CTCF: variants seen among roughly 807,000 people sequenced by gnomAD.
CTCF encodes CCCTC-binding factor, also known as transcriptional repressor CTCF.
In CTCF, 7 loss-of-function variants were observed where a neutral mutation model predicts 72.3. That is an observed-to-expected ratio of 0.10 (90% CI 0.06 to 0.18). The LOEUF (loss-of-function observed/expected upper bound fraction) is 0.18, where lower values mean the gene tolerates loss of function less well. CTCF is among the 10% of genes least tolerant of loss of function. The pLI is 1.00. For missense variants in CTCF, 516 were observed against 949.1 expected (o/e 0.54, Z 6.00); for synonymous variants, 374 against 315.8 (o/e 1.18, Z -1.95).
At chr16:67,629,748 T>TA (rs1229903308) in intron 10 of CTCF, among the ~76,000 whole-genome samples, 2 of 7,140 alleles carry the variant, frequency 2.8e-4, no homozygotes, top group Non-Finnish European at 6.8e-4. Flanking sequence ...TTAATGCCCT[T>TA]TTTTTTTTTT....
chr16:67,629,132 C>G (rs1051161379), intron 9 of CTCF, among the ~76,000 whole-genome samples: 5 of 127,314 alleles, frequency 3.9e-5, no homozygotes, highest in Non-Finnish European at 8.1e-5. Context: ...GTAGCCTGTT[C>G]TGGGTCTTCT....
chr16:67,612,894 T>A (rs2052079917), intron 4 of CTCF, among the ~76,000 whole-genome samples: 1 of 150,234 alleles, frequency 6.7e-6, no homozygotes, highest in Non-Finnish European at 1.5e-5. Flanking sequence ...GCTGAGATAG[T>A]GCTACTGCAC....
Position 67,563,253 on chromosome 16 carries a change from C to T in CTCF, c.-127+529C>T, listed in dbSNP as rs1336117029. On this transcript the variant is annotated intron_variant, in intron 1 of 11. Coordinates refer to ENST00000264010, the MANE Select transcript of CTCF (RefSeq NM_006565.4). Reference sequence around the variant, plus strand: ...GTGTCGGGCCCTGGCCGTCGCGTCTCGGGCTGCCCCTCCTCCAGCCAGCCC... The same window carrying T: ...GTGTCGGGCCCTGGCCGTCGCGTCTTGGGCTGCCCCTCCTCCAGCCAGCCC... 2.0e-5 allele frequency: 3 copies of T among 152,436 alleles called. No homozygotes were observed. In the East Asian group the frequency reaches 5.8e-4, roughly 29 times the overall value. 9.4% of individuals were successfully genotyped at this position (152,436 alleles called of 1,614,324 possible).
chr16:67,584,227 C>T (rs930480631), intron 2 of CTCF, among the ~76,000 whole-genome samples: 2 of 150,920 alleles, frequency 1.3e-5, no homozygotes, highest in African/African-American at 4.9e-5. Context: ...GAGACTGAAG[C>T]AGGAGAGTTG....
chr16:67,570,079 T>A (rs963163796), intron 1 of CTCF, among the ~76,000 whole-genome samples: 29 of 150,630 alleles, frequency 1.9e-4, no homozygotes, highest in African/African-American at 5.6e-4. Flanking sequence ...AGAATTAATT[T>A]TTTTTTTTTT....
chr16:67,621,125 T>C (rs1396451642), intron 6 of CTCF: 6 of 364,888 alleles, frequency 1.6e-5, no homozygotes, highest in East Asian at 4.0e-5. Context: ...ACCTACCTTA[T>C]TCAGTTTTCC....
At chr16:67,606,299 T>A (rs2051972160) in intron 2 of CTCF, among the ~76,000 whole-genome samples, 1 of 152,242 alleles carries the variant, frequency 6.6e-6, no homozygotes, top group African/African-American at 2.4e-5. Flanking sequence ...TGTCAAACTC[T>A]GCCTTTAAAT....
chr16:67,571,949 G>C (rs2051427263), intron 2 of CTCF, among the ~76,000 whole-genome samples: 1 of 152,038 alleles, frequency 6.6e-6, no homozygotes, highest in African/African-American at 2.4e-5. Context: ...GTGGGATTCT[G>C]GTTGTAAAAA....
chr16:67,595,408 A>G (rs2051798330), intron 2 of CTCF, among the ~76,000 whole-genome samples: 1 of 152,196 alleles, frequency 6.6e-6, no homozygotes. Flanking sequence ...CCTTCATCGT[A>G]CAGAAATCCA....
intron 2 of CTCF, among the ~76,000 whole-genome samples, chr16:67,604,730 G>GTTTTTTTTTTTTTTTTTTTTTT (rs533827293): frequency 4.0e-5 from 5 of 123,746 alleles, no homozygotes; most frequent in Non-Finnish European, 8.4e-5. Flanking sequence ...TTTCACCAGG[G>GTTTTTTTTTTTTTTTTTTTTTT]TTTTTTTTTT....
In CTCF at chr16:67,601,657, A is replaced by G. The variant is rs546169051; in HGVS notation, c.-9-9167A>G. 5.3e-5 allele frequency among the ~76,000 whole-genome samples: 8 copies of G among 152,204 alleles called. No homozygotes were observed. The East Asian group carries it at 1.4e-3, about 26-fold the overall frequency. ...TGTGTCTGATTTTTCTCTATTAAAA[A>G]TAGAAGCTATTGCTTTAAGACCGAG... On this transcript the variant is annotated intron_variant, in intron 2 of 11. Coordinates refer to ENST00000264010, the MANE Select transcript of CTCF (RefSeq NM_006565.4).
chr16:67,610,075 A>G (rs1461986892), intron 2 of CTCF, among the ~76,000 whole-genome samples: 2 of 152,142 alleles, frequency 1.3e-5, no homozygotes, highest in Non-Finnish European at 2.9e-5. Flanking sequence ...CCTAGAGGCA[A>G]AGTCACCCCA....
rs1028074278 is a variant in CTCF, at chr16:67,638,338, A to G, written c.*466A>G. 1.8e-5 allele frequency: 4 copies of G among 228,302 alleles called. No homozygotes were observed. Among genetic ancestry groups the G allele is most frequent in the African/African-American group, 4.5e-5 (2 of 44,906 alleles). The allele number at this position is 228,302 out of a possible 1,614,324, so 14.1% of individuals were successfully genotyped here. ...ACTCCCTTTGCTTGGAGTCAGCTGC[A>G]CACCAGTAGTATGGCATGCTACGAT... On this transcript the variant is annotated 3_prime_UTR_variant, in exon 12 of 12. Transcript: ENST00000264010.
At chr16:67,563,562 C>T (rs1417716768) in intron 1 of CTCF, 1 of 152,332 alleles carries the variant, frequency 6.6e-6, no homozygotes, top group African/African-American at 2.4e-5. Context: ...TGGCCGGACC[C>T]GACCGGTGCG....
chr16:67,634,230 C>T (rs1445257791), intron 10 of CTCF, among the ~76,000 whole-genome samples: 1 of 152,076 alleles, frequency 6.6e-6, no homozygotes, highest in Admixed American at 6.6e-5. Context: ...TTTTCCCAGA[C>T]AAAGTCTTAC....
chr16:67,595,350 C>T (rs143371477), intron 2 of CTCF, among the ~76,000 whole-genome samples: 107 of 152,224 alleles, frequency 7.0e-4, no homozygotes, highest in Non-Finnish European at 1.2e-3. Context: ...ACTCTTTCTC[C>T]TTCATTCCTG....
At chr16:67,596,333 C>A (rs187230548) in intron 2 of CTCF, among the ~76,000 whole-genome samples, 3 of 152,206 alleles carry the variant, frequency 2.0e-5, no homozygotes, top group African/African-American at 7.2e-5. Context: ...ATTTCTTTTA[C>A]TATTAATGAG....
At chr16:67,589,797 GAAAA>G (rs930645196) in intron 2 of CTCF, among the ~76,000 whole-genome samples, 3 of 151,976 alleles carry the variant, frequency 2.0e-5, no homozygotes, top group African/African-American at 7.2e-5. Flanking sequence ...CCATTAACTT[GAAAA>G]AGAGCCTGGA....
chr16:67,604,205 A>G (rs965203486), intron 2 of CTCF, among the ~76,000 whole-genome samples: 1 of 151,962 alleles, frequency 6.6e-6, no homozygotes, highest in Non-Finnish European at 1.5e-5. Context: ...GCTACTTGGC[A>G]GACTGAGGCA....
Sources: gnomAD v4.1 joint callset for allele counts (sites outside exome capture counted in the v4.1 genomes callset) on GRCh38, gnomAD v4.1.1 for gene constraint, MANE v1.5 for transcripts, NCBI Gene and HGNC (gene_info 2026-07-23, HGNC 2026-07-21) for gene names.